The following TINAG variants were observed in gnomAD, a reference collection of about 807,000 sequenced individuals.
The protein encoded by TINAG is tubulointerstitial nephritis antigen.
Under a neutral mutation model 72.7 loss-of-function variants are expected in TINAG, and 83 were observed. That is an observed-to-expected ratio of 1.14 (90% CI 0.96 to 1.37). The LOEUF (loss-of-function observed/expected upper bound fraction) is 1.37, where lower values mean the gene tolerates loss of function less well. TINAG is among the 40% of genes most tolerant of loss of function. The pLI is 0.00. For synonymous variants in TINAG, 234 were observed against 189.9 expected (o/e 1.23, Z -1.91); for missense variants, 685 against 576.6 (o/e 1.19, Z -1.93).
intron 10 of TINAG, among the ~76,000 whole-genome samples, chr6:54,386,040 C>T (rs187665577): frequency 6.6e-6 from 1 of 151,594 alleles, no homozygotes; most frequent in East Asian, 1.9e-4. Context: ...TACAGACACC[C>T]GCCACCACAC....
At chr6:54,329,933 T>C (rs543421395) in intron 4 of TINAG, among the ~76,000 whole-genome samples, 1 of 152,260 alleles carries the variant, frequency 6.6e-6, no homozygotes, top group South Asian at 2.1e-4. Flanking sequence ...CTATCATGAA[T>C]ATGTATGCAC....
chr6:54,311,412 G>A (rs1020195267), intron 1 of TINAG, among the ~76,000 whole-genome samples: 3 of 152,184 alleles, frequency 2.0e-5, no homozygotes, highest in African/African-American at 7.2e-5. Context: ...GATATGGCAA[G>A]ACTTGAATTG....
chr6:54,351,813 G>T (rs1440830463), intron 8 of TINAG, among the ~76,000 whole-genome samples: 1 of 151,724 alleles, frequency 6.6e-6, no homozygotes, highest in East Asian at 1.9e-4. Flanking sequence ...TTAGGTCGTG[G>T]ATTGAAAAAA....
rs540877011 is a variant in TINAG at position 54,322,274 on chromosome 6, C to G, written c.509+888C>G. Among the ~76,000 whole-genome samples, 5 of 152,140 alleles carry G rather than the reference C, an allele frequency of 3.3e-5. 1 individual carries two copies. The highest frequency in any genetic ancestry group is 1.2e-4 in the African/African-American group (5 of 41,516). On this transcript the variant is annotated intron_variant, in intron 3 of 10. Transcript: ENST00000259782. Reference sequence around the variant, plus strand: ...AGTGAGCCGAGATTGCGCCACTGCACTCCAGCATGGGAATCGGGGGGTGAA... The same window carrying G: ...AGTGAGCCGAGATTGCGCCACTGCAGTCCAGCATGGGAATCGGGGGGTGAA...
chr6:54,387,458 T>C (rs1363678788), intron 10 of TINAG, among the ~76,000 whole-genome samples: 3 of 148,098 alleles, frequency 2.0e-5, no homozygotes, highest in African/African-American at 7.8e-5. Flanking sequence ...AAACATTATT[T>C]TGAGCTAAAA....
chr6:54,327,657 C>A (rs934518024), intron 4 of TINAG, among the ~76,000 whole-genome samples: 1 of 152,068 alleles, frequency 6.6e-6, no homozygotes, highest in Non-Finnish European at 1.5e-5. Context: ...AGTGGTCTGG[C>A]TCAGCATATC....
chr6:54,345,320 T>C (rs948203265), intron 5 of TINAG, among the ~76,000 whole-genome samples: 1 of 152,146 alleles, frequency 6.6e-6, no homozygotes, highest in Non-Finnish European at 1.5e-5. Context: ...TGCATAACAT[T>C]AGGATTTAAA....
chr6:54,308,353 C>A, upstream of TINAG: 1 of 632,242 alleles, frequency 1.6e-6, no homozygotes, highest in Non-Finnish European at 2.7e-6. Context: ...TTATTTCTAA[C>A]ATACATTATC....
chr6:54,331,782 G>GA (rs1323160397), intron 4 of TINAG, among the ~76,000 whole-genome samples: 1 of 152,004 alleles, frequency 6.6e-6, no homozygotes, highest in South Asian at 2.1e-4. Context: ...AAATCAATGT[G>GA]AAAAAACCAC....
intron 4 of TINAG, among the ~76,000 whole-genome samples, chr6:54,339,697 T>G (rs867009182): frequency 6.6e-6 from 1 of 152,194 alleles, no homozygotes; most frequent in Non-Finnish European, 1.5e-5. Flanking sequence ...CAAATATTGT[T>G]GAAGATGAGA....
At chr6:54,327,326 A>C in intron 4 of TINAG, 2 of 713,452 alleles carry the variant, frequency 2.8e-6, no homozygotes, top group Non-Finnish European at 4.0e-6. Context: ...GTAGGATGTC[A>C]CCTCACCCAG....
chr6:54,362,822 A>G (rs2063238), intron 9 of TINAG, among the ~76,000 whole-genome samples: 23,881 of 151,394 alleles, frequency 0.16, 2,016 homozygotes, highest in Non-Finnish European at 0.18. Flanking sequence ...GAAGAAGTTG[A>G]TTCCAGTCCT....
intron 7 of TINAG, 77 bp from the exon 8 acceptor site, chr6:54,351,275 T>G: frequency 7.6e-7 from 1 of 1,323,570 alleles, no homozygotes; most frequent in South Asian, 1.3e-5. Context: ...TTGCAAACAC[T>G]TAACATTGTA....
chr6:54,365,972 C>T (rs973228274), intron 9 of TINAG, among the ~76,000 whole-genome samples: 12 of 151,556 alleles, frequency 7.9e-5, no homozygotes, highest in Admixed American at 4.0e-4. Context: ...CATGAACAGA[C>T]TGGGCAACAT....
intron 9 of TINAG, among the ~76,000 whole-genome samples, chr6:54,376,033 C>A (rs558076500): frequency 1.5e-4 from 23 of 152,268 alleles, no homozygotes; most frequent in African/African-American, 5.1e-4. Context: ...CTAAGTGCTG[C>A]TCCTAGAATA....
chr6:54,370,961 A>T (rs1204056115), intron 9 of TINAG, among the ~76,000 whole-genome samples: 1 of 152,148 alleles, frequency 6.6e-6, no homozygotes, highest in African/African-American at 2.4e-5. Context: ...GAACTGACCT[A>T]TTACAAAACA....
chr6:54,359,912 T>G (rs1763168983), intron 9 of TINAG, among the ~76,000 whole-genome samples: 1 of 151,768 alleles, frequency 6.6e-6, no homozygotes, highest in Admixed American at 6.6e-5. Context: ...ATCAGAGAAC[T>G]TAATATACTC....
At chr6:54,308,082 T>G (rs1464186100), upstream of TINAG, 6 of 1,549,852 alleles carry the variant, frequency 3.9e-6, no homozygotes, top group African/African-American at 2.7e-5. Flanking sequence ...GCCTGGATGT[T>G]CGTTTCAATG....
chr6:54,387,876 TA>T (rs1318399930), intron 10 of TINAG, among the ~76,000 whole-genome samples: 2 of 152,100 alleles, frequency 1.3e-5, no homozygotes, highest in East Asian at 3.8e-4. Flanking sequence ...ATAAGATTAA[TA>T]AACAAAATAC....
Sources: gnomAD v4.1 joint callset for allele counts (sites outside exome capture counted in the v4.1 genomes callset) on GRCh38, gnomAD v4.1.1 for gene constraint, MANE v1.5 for transcripts, NCBI Gene and HGNC (gene_info 2026-07-23, HGNC 2026-07-21) for gene names.